Variants in USP22 observed in about 807,000 individuals in gnomAD.
USP22 encodes ubiquitin carboxyl-terminal hydrolase 22.
USP22 carries 22 observed loss-of-function variants against 68.1 expected under a neutral mutation model. The observed-to-expected ratio is 0.32, with a 90% CI of 0.23 to 0.46. The LOEUF is 0.46. USP22 is among the 20% of genes least tolerant of loss of function. The pLI is 1.00. For synonymous variants in USP22, 279 were observed against 274.2 expected (o/e 1.02, Z -0.17); for missense variants, 433 against 695.8 (o/e 0.62, Z 4.25).
intron 2 of USP22, among the ~76,000 whole-genome samples, chr17:21,022,463 G>A (rs1204713178): frequency 6.6e-6 from 1 of 152,154 alleles, no homozygotes; most frequent in African/African-American, 2.4e-5. Flanking sequence ...AAAGTCCTCT[G>A]AGTGCCTGAA....
intron 3 of USP22, among the ~76,000 whole-genome samples, chr17:21,020,716 T>C (rs1401452908): frequency 6.6e-6 from 1 of 152,166 alleles, no homozygotes; most frequent in East Asian, 1.9e-4. Flanking sequence ...GGCAAACCAC[T>C]CAGGGATGTC....
intron 2 of USP22, among the ~76,000 whole-genome samples, chr17:21,025,348 G>A (rs1259367998): frequency 6.6e-6 from 1 of 152,096 alleles, no homozygotes; most frequent in Non-Finnish European, 1.5e-5. Flanking sequence ...ACTATTATGG[G>A]TATTAAAAAA....
chr17:21,040,160 G>A lies in USP22; in HGVS notation c.171+2505C>T, dbSNP rs978514599. ...ATTGCACTCCATCCTGGGTAACAGA[G>A]CAAGACTCTGTCTCTACAAAAAATA... On this transcript the variant is annotated intron_variant, in intron 1 of 12. Transcript: ENST00000261497. 2.6e-5 allele frequency among the ~76,000 whole-genome samples: 4 copies of A among 152,294 alleles called. No homozygotes were observed. In the East Asian group the frequency reaches 5.8e-4, roughly 22 times the overall value.
Position 21,012,952 on chromosome 17 carries a change from G to A in USP22, c.839-17C>T. ...TGTCATCACCTGGAGACAGACCACG[G>A]CTCTGGGATTAGTGTCTCCCCAAAT... On this transcript the variant is annotated splice_polypyrimidine_tract_variant and intron_variant, in intron 6 of 12. Transcript: ENST00000261497. 6.2e-7 allele frequency: 1 copy of A among 1,610,768 alleles called. No homozygotes were observed. The highest frequency in any genetic ancestry group is 8.5e-7 in the Non-Finnish European group (1 of 1,177,062).
intron 1 of USP22, among the ~76,000 whole-genome samples, chr17:21,038,165 G>A (rs934883232): frequency 6.6e-6 from 1 of 151,906 alleles, no homozygotes; most frequent in Non-Finnish European, 1.5e-5. Context: ...GTGGGAGGCC[G>A]AAGTGAATCT....
rs114672262 is a variant in USP22 at position 21,011,844 on chromosome 17, G to A, written c.945-535C>T. On this transcript the variant is annotated intron_variant, in intron 7 of 12. Transcript: ENST00000261497. ...CTTGCAGACTGGGAAATTTACTCTC[G>A]ATATTTATACAGGATTTAAATCTTG... Among the ~76,000 whole-genome samples, 675 of 152,216 alleles carry A rather than the reference G, an allele frequency of 4.4e-3. 7 individuals carry two copies. The highest frequency in any genetic ancestry group is 0.015 in the African/African-American group (633 of 41,538).
chr17:21,012,698 T>C (rs1914008136), intron 7 of USP22, 132 bp downstream of exon 7: 10 of 803,772 alleles, frequency 1.2e-5, no homozygotes, highest in Non-Finnish European at 1.4e-5. Context: ...TTCGCTCTCA[T>C]GGCGTCTATT....
chr17:21,015,722 C>T (rs370724922), intron 6 of USP22, 30 bp downstream of exon 6: 3 of 1,590,420 alleles, frequency 1.9e-6, no homozygotes, highest in Non-Finnish European at 2.6e-6. Context: ...ACATCCTGCC[C>T]TGGTGGAGGG....
At chr17:21,042,481 TGAG>T (rs1972450998) in intron 1 of USP22, among the ~76,000 whole-genome samples, 181 bp downstream of exon 1, 1 of 62,372 alleles carries the variant, frequency 1.6e-5, no homozygotes, top group Non-Finnish European at 3.0e-5. Context: ...GGGAGAGAGT[TGAG>T]GGGGGAAGGA....
chr17:21,005,101 G>A lies in USP22; in HGVS notation c.1323-111C>T, dbSNP rs144453018. Reference sequence around the variant, plus strand: ...AGCTTGACCATGCAGATGCTGCACCGAGGTGCACTTTATGCTTCAGGCAGA... The same window carrying A: ...AGCTTGACCATGCAGATGCTGCACCAAGGTGCACTTTATGCTTCAGGCAGA... On this transcript the variant is annotated intron_variant, in intron 10 of 12. Transcript: ENST00000261497. 2.2e-4 allele frequency: 264 copies of A among 1,208,072 alleles called. 1 individual carries two copies. The East Asian group carries it at 5.4e-3, about 24-fold the overall frequency. The allele number at this position is 1,208,072 out of a possible 1,614,324, so 74.8% of individuals were successfully genotyped here. A position where few individuals can be genotyped will look rare whatever the true frequency, so the allele number is the denominator to read the frequency against.
At position 21,027,595 on chromosome 17, in the gene USP22, G is replaced by A. The variant is rs141351095; in HGVS notation, c.304+947C>T. Among the ~76,000 whole-genome samples the A allele has an allele frequency of 1.1e-3, 168 of 152,264 alleles. 1 individual carries two copies. The highest frequency in any genetic ancestry group is 2.0e-3 in the Non-Finnish European group (133 of 68,006). On this transcript the variant is annotated intron_variant, in intron 2 of 12. Coordinates refer to ENST00000261497, the MANE Select transcript of USP22 (RefSeq NM_015276.2). The stretch of plus-strand genomic sequence containing the variant: ...TTGGACCGCTTGAAAATGCTGTTCT[G>A]AAGGATATCCTGCCAACTCCATGAG...
chr17:21,016,080 TTC>T lies in USP22; in HGVS notation c.691-183_691-182del, dbSNP rs1035568210. On this transcript the variant is annotated intron_variant, in intron 5 of 12. Coordinates refer to ENST00000261497, the MANE Select transcript of USP22 (RefSeq NM_015276.2). ...ATTTTTATCTGGGCTCACTGGACTT[TTC>T]GAGTCCTCATATGAATTTTTTCCTT... Among the ~76,000 whole-genome samples the T allele has an allele frequency of 2.4e-3, 360 of 152,308 alleles. 3 individuals are homozygous for T. The highest frequency in any genetic ancestry group is 8.4e-3 in the African/African-American group (350 of 41,598).
intron 2 of USP22, among the ~76,000 whole-genome samples, chr17:21,022,403 G>A (rs868366352): frequency 1.3e-5 from 2 of 152,102 alleles, no homozygotes; most frequent in Admixed American, 1.3e-4. Flanking sequence ...AAATAAAATA[G>A]GACTAATAGT....
Position 21,004,213 on chromosome 17 carries a change from C to T in USP22, c.1524G>A (p.Leu508=), listed in dbSNP as rs754958491. The T allele has an allele frequency of 6.2e-7, 1 of 1,614,140 alleles. No individual in the cohort carries two copies. The highest frequency in any genetic ancestry group is 8.5e-7 in the Non-Finnish European group (1 of 1,179,998). The part of the protein sequence containing the change: ...IITKASIKDV[L]DSEGYLLFYH... ...CCCACAGGACGCACCCTTCGCTGTC[C>T]AGGACGTCCTTGATGCTGGCCTTGG... Residue 508 remains leucine (L), a synonymous_variant, in exon 12 of 13, where the codon CTG becomes CTA. Transcript: ENST00000261497.
chr17:21,025,721 T>A (rs952059366), intron 2 of USP22, among the ~76,000 whole-genome samples: 2 of 152,158 alleles, frequency 1.3e-5, no homozygotes, highest in African/African-American at 4.8e-5. Context: ...AAATGCATGC[T>A]TGCGGAAAGA....
chr17:21,006,059 A>C (rs1913767866), intron 10 of USP22, among the ~76,000 whole-genome samples: 1 of 152,206 alleles, frequency 6.6e-6, no homozygotes, highest in African/African-American at 2.4e-5. Flanking sequence ...GGAATCCCCA[A>C]GACCCTTGTA....
At chr17:21,029,972 A>G (rs1282288748) in intron 1 of USP22, among the ~76,000 whole-genome samples, 3 of 152,256 alleles carry the variant, frequency 2.0e-5, no homozygotes, top group Non-Finnish European at 4.4e-5. Context: ...AATGTTGCTG[A>G]ATGATTCCTC....
chr17:21,011,717 G>A lies in USP22; in HGVS notation c.945-408C>T, dbSNP rs75945689. On this transcript the variant is annotated intron_variant, in intron 7 of 12. Transcript: ENST00000261497. ...GAGACCCCTGCACATTTCACAGAGC[G>A]TGCCCAGGCCAGGCCCGGTGGCCTG... 1.4e-4 allele frequency: 24 copies of A among 174,856 alleles called. 1 individual carries two copies. The East Asian group carries it at 3.8e-3, about 28-fold the overall frequency. 10.8% of individuals were successfully genotyped at this position (174,856 alleles called of 1,614,324 possible).
At chr17:21,021,557 GA>G (rs1972156749) in intron 2 of USP22, among the ~76,000 whole-genome samples, 1 of 152,144 alleles carries the variant, frequency 6.6e-6, no homozygotes, top group Non-Finnish European at 1.5e-5. Context: ...AACTGCATTG[GA>G]TATTTTCAGT....
Sources: gnomAD v4.1 joint callset for allele counts (sites outside exome capture counted in the v4.1 genomes callset) on GRCh38, gnomAD v4.1.1 for gene constraint, MANE v1.5 for transcripts, NCBI Gene and HGNC (gene_info 2026-07-23, HGNC 2026-07-21) for gene names.